Variants in FHOD3 observed in about 807,000 individuals in gnomAD.
The protein encoded by FHOD3 is FH1/FH2 domain-containing protein 3.
FHOD3 carries 90 observed loss-of-function variants against 173.0 expected under a neutral mutation model. That is an observed-to-expected ratio of 0.52 (90% CI 0.44 to 0.62). FHOD3 has a LOEUF of 0.62. Ranked by LOEUF, FHOD3 falls within the 20% of genes least tolerant of loss-of-function variation. FHOD3 has a pLI of 0.00. For synonymous variants in FHOD3, 828 were observed against 823.0 expected, an observed-to-expected ratio of 1.01 and a Z score of -0.10; for missense variants, 1,945 against 2,034.7, an observed-to-expected ratio of 0.96 and a Z score of 0.85.
At chr18:36,524,435 G>A (rs1318502296) in intron 5 of FHOD3, among the ~76,000 whole-genome samples, 1 of 152,174 alleles carries the variant, frequency 6.6e-6, no homozygotes, top group Admixed American at 6.5e-5. Flanking sequence ...ACAATGGTGA[G>A]CTTACTGCTT....
chr18:36,571,702 A>G (rs768025838), intron 5 of FHOD3, among the ~76,000 whole-genome samples: 3 of 152,262 alleles, frequency 2.0e-5, no homozygotes, highest in Non-Finnish European at 4.4e-5. Flanking sequence ...GACCCGTACA[A>G]ACACAACCAG....
intron 22 of FHOD3, among the ~76,000 whole-genome samples, chr18:36,743,228 G>A (rs1211096501): frequency 7.1e-6 from 1 of 140,706 alleles, no homozygotes; most frequent in Non-Finnish European, 1.5e-5. Flanking sequence ...AGAATCGCTT[G>A]AACCCGGGAA....
chr18:36,420,801 C>G (rs2049946500), intron 3 of FHOD3, among the ~76,000 whole-genome samples: 1 of 152,164 alleles, frequency 6.6e-6, no homozygotes, highest in Non-Finnish European at 1.5e-5. Flanking sequence ...TGGTGGCTTT[C>G]TGACCATGGG....
intron 5 of FHOD3, among the ~76,000 whole-genome samples, 170 bp downstream of exon 5, chr18:36,512,713 A>G (rs370759537): frequency 7.9e-5 from 12 of 152,028 alleles, no homozygotes; most frequent in South Asian, 4.2e-4. Context: ...AGGTTTTACC[A>G]GTTCCTAGTA....
Position 36,684,541 on chromosome 18 carries a change from A to G in FHOD3, c.1971-2587A>G, listed in dbSNP as rs191436149. Reference sequence around the variant, plus strand: ...AAGATCCAAATGGAAATATATATAGAACAGGAAAATTAAAATAGAAAATTT... The same window carrying G: ...AAGATCCAAATGGAAATATATATAGGACAGGAAAATTAAAATAGAAAATTT... On this transcript the variant is annotated intron_variant, in intron 15 of 28. Transcript: ENST00000590592. Among the ~76,000 whole-genome samples the G allele has an allele frequency of 8.5e-5, 13 of 152,306 alleles. No individual in the cohort carries two copies. The East Asian group carries it at 2.1e-3, about 25-fold the overall frequency.
Position 36,658,089 on chromosome 18 carries a change from G to T in FHOD3, c.1736G>T (p.Gly579Val). 6.2e-7 allele frequency: 1 copy of T among 1,606,456 alleles called. No individual in the cohort carries two copies. Among genetic ancestry groups the T allele is most frequent in the Non-Finnish European group, 8.5e-7 (1 of 1,176,780 alleles). Residue 579 changes from glycine (G) to valine (V), a missense_variant, in exon 14 of 29, where the codon GGC (glycine) becomes GTC (valine). By Grantham distance (109) the Gly-to-Val change is moderately radical. Around this residue, in one of 5 missense-constraint regions of FHOD3, gnomAD observed 1,099 missense variants for 1,051.2 expected, o/e 1.05. Coordinates refer to ENST00000590592, the MANE Select transcript of FHOD3 (RefSeq NM_001281740.3). ...SFSSNRYSNF[G>V]NNSYHSSRPS... ...GCACTTCTTAGATACAGCAATTTTG[G>T]CAATAACTCTTATCACTCCTCAAGA...
chr18:36,445,203 G>A (rs1044357016), intron 3 of FHOD3, among the ~76,000 whole-genome samples: 1 of 152,210 alleles, frequency 6.6e-6, no homozygotes, highest in Non-Finnish European at 1.5e-5. Flanking sequence ...GCACAGTAGA[G>A]CAGAAAGAGA....
At chr18:36,475,131 C>G (rs7239163) in intron 3 of FHOD3, among the ~76,000 whole-genome samples, 88,867 of 151,772 alleles carry the variant, frequency 0.59, 26,237 homozygotes, top group East Asian at 0.68. Context: ...ACTTGCAGGA[C>G]GAGAGGAAGG....
At chr18:36,617,652 T>A (rs1200546462) in intron 9 of FHOD3, among the ~76,000 whole-genome samples, 1 of 151,750 alleles carries the variant, frequency 6.6e-6, no homozygotes. Flanking sequence ...TCAGTTTTAT[T>A]CATGCTGCAT....
chr18:36,612,566 A>G (rs2032797097), intron 9 of FHOD3, among the ~76,000 whole-genome samples: 1 of 152,216 alleles, frequency 6.6e-6, no homozygotes, highest in South Asian at 2.1e-4. Flanking sequence ...AGATACTGAA[A>G]CAACTCTTCA....
At chr18:36,401,182 T>C (rs1007521001) in intron 3 of FHOD3, among the ~76,000 whole-genome samples, 2 of 152,084 alleles carry the variant, frequency 1.3e-5, no homozygotes, top group Non-Finnish European at 2.9e-5. Context: ...TATCAAAAGG[T>C]AGGGGCTTTG....
chr18:36,332,864 C>A (rs2045094392), intron 1 of FHOD3, among the ~76,000 whole-genome samples: 1 of 152,226 alleles, frequency 6.6e-6, no homozygotes. Flanking sequence ...GTGGCATCAT[C>A]TTCCCAATCC....
At chr18:36,393,637 A>G (rs940692201) in intron 3 of FHOD3, among the ~76,000 whole-genome samples, 3 of 152,206 alleles carry the variant, frequency 2.0e-5, no homozygotes, top group Non-Finnish European at 4.4e-5. Context: ...GCAATCAGTC[A>G]TTCATTTCCC....
At chr18:36,699,503 G>A (rs893206942) in intron 17 of FHOD3, among the ~76,000 whole-genome samples, 1 of 152,214 alleles carries the variant, frequency 6.6e-6, no homozygotes, top group African/African-American at 2.4e-5. Context: ...GAGGGTTCTT[G>A]AGCCACAGTG....
At chr18:36,631,400 G>T (rs2034502046) in intron 10 of FHOD3, among the ~76,000 whole-genome samples, 1 of 152,162 alleles carries the variant, frequency 6.6e-6, no homozygotes, top group Non-Finnish European at 1.5e-5. Flanking sequence ...TGAATAAATA[G>T]CAACTCTTTA....
At chr18:36,714,592 A>G (rs1222614394) in intron 18 of FHOD3, among the ~76,000 whole-genome samples, 15 of 152,182 alleles carry the variant, frequency 9.9e-5, no homozygotes, top group Admixed American at 9.8e-4. Context: ...AAATAAGAAA[A>G]TGCTCACATT....
chr18:36,298,551 C>T (rs115536615), intron 1 of FHOD3, among the ~76,000 whole-genome samples: 3,331 of 152,222 alleles, frequency 0.022, 118 homozygotes, highest in African/African-American at 0.077. Context: ...GGGGCGCCGC[C>T]GGGGACGCCG....
chr18:36,611,208 T>C (rs1007045575), intron 8 of FHOD3, among the ~76,000 whole-genome samples: 3 of 152,242 alleles, frequency 2.0e-5, no homozygotes, highest in African/African-American at 7.2e-5. Flanking sequence ...TGTTGGTGTA[T>C]GGATCTTAAC....
chr18:36,401,502 A>G (rs1042687171), intron 3 of FHOD3, among the ~76,000 whole-genome samples: 2 of 152,180 alleles, frequency 1.3e-5, no homozygotes, highest in African/African-American at 2.4e-5. Flanking sequence ...TTCCAAGAGC[A>G]TGAGAAGGAG....
Sources: allele counts gnomAD v4.1 joint callset (sites outside exome capture counted in the v4.1 genomes callset), GRCh38; gene constraint gnomAD v4.1.1; regional missense constraint gnomAD v4.1.1; transcripts MANE v1.5; gene names NCBI Gene and HGNC (gene_info 2026-07-23, HGNC 2026-07-21).